The following GRIPAP1 variants were observed in gnomAD, a reference collection of about 807,000 sequenced individuals.
The protein encoded by GRIPAP1 is GRIP1 associated protein 1, also known as GRIP1-associated protein 1.
A neutral mutation model predicts 84.1 loss-of-function variants in GRIPAP1; 14 were observed. The ratio of observed to expected loss-of-function variants is 0.17; its 90% confidence interval spans 0.11 to 0.26. The LOEUF (loss-of-function observed/expected upper bound fraction) is 0.26. GRIPAP1 is among the 10% of genes least tolerant of loss of function. GRIPAP1 has a pLI of 1.00. For missense variants in GRIPAP1, 518 were observed against 674.2 expected (o/e 0.77, Z 2.57); for synonymous variants, 261 against 256.8 (o/e 1.02, Z -0.15).
At chrX:48,982,413 G>A (rs1418570239) in intron 17 of GRIPAP1, among the ~76,000 whole-genome samples, 3 of 112,607 alleles carry the variant, frequency 2.7e-5, no homozygotes, top group Non-Finnish European at 5.6e-5. Flanking sequence ...GTCTCACTCC[G>A]TCACCCAGGC....
intron 21 of GRIPAP1, among the ~76,000 whole-genome samples, chrX:48,980,090 C>T (rs1404466501): frequency 2.0e-4 from 22 of 110,704 alleles, no homozygotes; most frequent in Non-Finnish European, 9.5e-5. Flanking sequence ...GTAGGTATCC[C>T]GAGTGGGGGA....
intron 1 of GRIPAP1, among the ~76,000 whole-genome samples, chrX:49,000,100 T>C (rs1266723560): frequency 9.1e-6 from 1 of 110,103 alleles, no homozygotes; most frequent in African/African-American, 3.3e-5. Flanking sequence ...GTGCGGTGGC[T>C]CACACCTGTC....
chrX:48,975,491 G>A (rs1416170353), intron 24 of GRIPAP1, 182 bp from the exon 25 acceptor site: 18 of 413,378 alleles, frequency 4.4e-5, no homozygotes, highest in Middle Eastern at 1.3e-3. Flanking sequence ...CTATGGCCCC[G>A]AGAAATGAGG....
At chrX:49,000,866 T>C (rs1160630708) in intron 1 of GRIPAP1, 2 of 109,874 alleles carry the variant, frequency 1.8e-5, no homozygotes, top group Non-Finnish European at 3.8e-5. Flanking sequence ...CTCACTGTTC[T>C]CTGGTAGTCT....
Position 48,979,168 on chromosome X carries a change from C to T in GRIPAP1, c.1931-733G>A, listed in dbSNP as rs782337734. Among the ~76,000 whole-genome samples, 57 of 109,739 alleles carry T rather than the reference C, an allele frequency of 5.2e-4. No individual in the cohort carries two copies. The South Asian group carries it at 0.02, about 38-fold the overall frequency. On this transcript the variant is annotated intron_variant, in intron 21 of 25. Coordinates refer to ENST00000376423, the MANE Select transcript of GRIPAP1 (RefSeq NM_020137.5). ...CTGAGACCCTGGTGAAAGAAGTGAG[C>T]CAGAGCAGAGACAGAGAGAAAAAAA...
intron 1 of GRIPAP1, 128 bp from the exon 2 acceptor site, chrX:48,999,632 A>G (rs782538620): frequency 2.5e-5 from 12 of 472,438 alleles, no homozygotes; most frequent in Non-Finnish European, 4.4e-5. Flanking sequence ...ACTCCTTAAG[A>G]CCTGTATGTG....
intron 16 of GRIPAP1, 57 bp from the exon 17 acceptor site, chrX:48,983,149 A>G: frequency 8.9e-7 from 1 of 1,121,011 alleles, no homozygotes; most frequent in Non-Finnish European, 1.2e-6. Context: ...CACCTGATGC[A>G]TGCCACCCAC....
At chrX:48,994,164 G>A (rs2064534210) in intron 5 of GRIPAP1, among the ~76,000 whole-genome samples, 1 of 110,101 alleles carries the variant, frequency 9.1e-6, no homozygotes, top group Admixed American at 9.7e-5. Context: ...ATTTTCAGAT[G>A]AGAATATCGA....
intron 6 of GRIPAP1, 57 bp downstream of exon 6, chrX:48,993,371 T>C: frequency 9.7e-7 from 1 of 1,033,022 alleles, no homozygotes; most frequent in Non-Finnish European, 1.3e-6. Context: ...GATGACGGCC[T>C]TCCTTGCCCT....
At chrX:48,983,983 A>ATCTCAATTTCTGG in intron 14 of GRIPAP1, 113 bp from the exon 15 acceptor site, 1 of 533,195 alleles carries the variant, frequency 1.9e-6, no homozygotes, top group Non-Finnish European at 3.4e-6. Flanking sequence ...TGGTATTGTG[A>ATCTCAATTTCTGG]TCTCAATTTC....
intron 5 of GRIPAP1, 22 bp downstream of exon 5, chrX:48,997,228 T>C: frequency 6.6e-6 from 6 of 912,293 alleles, no homozygotes; most frequent in Non-Finnish European, 9.4e-6. Context: ...ATTTCCCCTT[T>C]GACTATCCCA....
rs185897675 is a variant in GRIPAP1, at chrX:48,996,841, G to A, written c.306+409C>T. On this transcript the variant is annotated intron_variant, in intron 5 of 25. Transcript: ENST00000376423. The stretch of plus-strand genomic sequence containing the variant: ...CTCCAGGATGAATTATCTGGAAGAG[G>A]TAGAACCCCAGGCTCATGTCAGATG... Among the ~76,000 whole-genome samples the A allele has an allele frequency of 2.7e-5, 3 of 111,455 alleles. No individual in the cohort carries two copies. The East Asian group carries it at 8.4e-4, about 31-fold the overall frequency.
chrX:48,998,757 G>A (rs1167204934), intron 3 of GRIPAP1, among the ~76,000 whole-genome samples: 1 of 112,144 alleles, frequency 8.9e-6, no homozygotes, highest in Non-Finnish European at 1.9e-5. Flanking sequence ...GGTATGGCTA[G>A]ATATGGGGAC....
Position 48,975,090 on chromosome X carries a change from G to A in GRIPAP1, c.2433+65C>T, listed in dbSNP as rs782083965. The A allele has an allele frequency of 2.1e-5, 23 of 1,094,657 alleles. No individual in the cohort carries two copies. The South Asian group carries it at 3.7e-4, about 18-fold the overall frequency. 90.2% of individuals were successfully genotyped at this position (1,094,657 alleles called of 1,213,427 possible). On this transcript the variant is annotated intron_variant, in intron 25 of 25. Transcript: ENST00000376423. ...CAAGGGGACTGGCAGATGACCCAGGGGCTATGTGGCTGGGTAGGCAGGTGG... is the reference window on the plus strand; with the variant it reads ...CAAGGGGACTGGCAGATGACCCAGGAGCTATGTGGCTGGGTAGGCAGGTGG...
chrX:48,978,985 T>G (rs1266433152), intron 21 of GRIPAP1, among the ~76,000 whole-genome samples: 1 of 105,813 alleles, frequency 9.5e-6, no homozygotes. Context: ...ATGGAAGAGG[T>G]TGGAGAAAGA....
At chrX:48,981,035 TAAAG>T (rs1211914546) in intron 21 of GRIPAP1, among the ~76,000 whole-genome samples, 176 bp downstream of exon 21, 1 of 109,123 alleles carries the variant, frequency 9.2e-6, no homozygotes, top group African/African-American at 3.4e-5. Context: ...AAGATAGAAA[TAAAG>T]AGAGAATGCA....
intron 5 of GRIPAP1, among the ~76,000 whole-genome samples, chrX:48,994,473 C>T (rs781971027): frequency 9.0e-6 from 1 of 111,084 alleles, no homozygotes; most frequent in East Asian, 2.8e-4. Context: ...ATCCACCTGC[C>T]TCGGCCTCCC....
chrX:48,983,164 C>T (rs1314594459), intron 16 of GRIPAP1, 64 bp downstream of exon 16: 1 of 1,131,588 alleles, frequency 8.8e-7, no homozygotes, highest in Non-Finnish European at 1.2e-6. Context: ...ACCCACTGGC[C>T]TATCAGCAAC....
At chrX:48,988,038 G>C in intron 12 of GRIPAP1, 83 bp downstream of exon 12, 3 of 771,454 alleles carry the variant, frequency 3.9e-6, no homozygotes, top group Non-Finnish European at 3.8e-6. Flanking sequence ...AGGATCCCTG[G>C]GACCTTGCCT....
Sources: allele counts gnomAD v4.1 joint callset (sites outside exome capture counted in the v4.1 genomes callset), GRCh38; gene constraint gnomAD v4.1.1; transcripts MANE v1.5; gene names NCBI Gene and HGNC (gene_info 2026-07-23, HGNC 2026-07-21).